SEC14L4: variants seen among roughly 807,000 people sequenced by gnomAD.
SEC14L4 encodes SEC14 like lipid binding 4.
A neutral mutation model predicts 55.1 loss-of-function variants in SEC14L4; 42 were observed. The observed-to-expected ratio is 0.76, with a 90% CI of 0.60 to 0.99. SEC14L4 has a LOEUF of 0.99. SEC14L4 is among the 50% of genes least tolerant of loss of function. The probability of loss-of-function intolerance (pLI) is 0.00; values close to 1 mark genes in which losing one functional copy is unlikely to be tolerated. For synonymous variants in SEC14L4, 206 were observed against 206.8 expected (o/e 1.00, Z 0.03); for missense variants, 445 against 512.1 (o/e 0.87, Z 1.27).
At position 30,491,567 on chromosome 22, in the gene SEC14L4, T is replaced by C. The variant is rs779287255; in HGVS notation, c.1081+6A>G. The C allele has an allele frequency of 5.0e-6, 8 of 1,613,848 alleles. No homozygotes were observed. The highest frequency in any genetic ancestry group is 6.8e-6 in the Non-Finnish European group (8 of 1,179,950). On this transcript the variant is annotated splice_donor_region_variant and intron_variant, in intron 11 of 11. Coordinates refer to ENST00000255858, the MANE Select transcript of SEC14L4 (RefSeq NM_174977.4). The stretch of plus-strand genomic sequence containing the variant: ...AAACAATTCCAGTAAACCCCGCAGC[T>C]CTTACAGACGCCAGCCTGGAGGCAG...
At chr22:30,503,908 A>T (rs1386546274) in intron 1 of SEC14L4, 156 bp from the exon 2 acceptor site, 12 of 536,364 alleles carry the variant, frequency 2.2e-5, no homozygotes, top group Non-Finnish European at 3.6e-5. Context: ...AAAATAGGGC[A>T]CCCTCCAGCC....
rs531954470 is a variant in SEC14L4 at position 30,500,754 on chromosome 22, A to ATTT, written c.130+2920_130+2922dup. Among the ~76,000 whole-genome samples, 177 of 79,490 alleles carry ATTT rather than the reference A, an allele frequency of 2.2e-3. 15 individuals carry two copies. The highest frequency in any genetic ancestry group is 3.9e-3 in the African/African-American group (75 of 19,366). 52.1% of individuals were successfully genotyped at this position (79,490 alleles called of 152,430 possible). ...AATGCTCATGGGATATGAGAACAGA[A>ATTT]TTTTTTTTTTTTTTTTTTTTTTTTT... On this transcript the variant is annotated intron_variant, in intron 2 of 11. Transcript: ENST00000255858.
chr22:30,489,764 G>T lies in SEC14L4; in HGVS notation c.*343C>A. On this transcript the variant is annotated 3_prime_UTR_variant, in exon 12 of 12. Coordinates refer to ENST00000255858, the MANE Select transcript of SEC14L4 (RefSeq NM_174977.4). ...CCTGAAGCTGGAACACCAGGCATGG[G>T]TGAGTCCTGGGTGGCTGGATCTTGT... The T allele has an allele frequency of 8.7e-7, 1 of 1,143,712 alleles. No homozygotes were observed. The highest frequency in any genetic ancestry group is 1.3e-5 in the South Asian group (1 of 75,656). 70.8% of individuals were successfully genotyped at this position (1,143,712 alleles called of 1,614,324 possible).
At position 30,489,755 on chromosome 22, in the gene SEC14L4, C is replaced by G; in HGVS notation, c.*352G>C. The G allele has an allele frequency of 1.9e-6, 2 of 1,062,830 alleles. No homozygotes were observed. The highest frequency in any genetic ancestry group is 2.8e-6 in the Non-Finnish European group (2 of 702,684). 65.8% of individuals were successfully genotyped at this position (1,062,830 alleles called of 1,614,324 possible). On this transcript the variant is annotated 3_prime_UTR_variant, in exon 12 of 12. Coordinates refer to ENST00000255858, the MANE Select transcript of SEC14L4 (RefSeq NM_174977.4). ...CGCACACCCCCTGAAGCTGGAACAC[C>G]AGGCATGGGTGAGTCCTGGGTGGCT... is the stretch of plus-strand genomic sequence containing the variant.
chr22:30,503,662 C>G lies in SEC14L4; in HGVS notation c.130+15G>C, dbSNP rs1338199919. Reference sequence around the variant, plus strand: ...TCCCTCCCTTTCTGCGTCCCCTGACCCCTGCAAGCCTCACCTCGCAGCCAG... The same window carrying G: ...TCCCTCCCTTTCTGCGTCCCCTGACGCCTGCAAGCCTCACCTCGCAGCCAG... On this transcript the variant is annotated intron_variant, in intron 2 of 11. Coordinates refer to ENST00000255858, the MANE Select transcript of SEC14L4 (RefSeq NM_174977.4). The G allele has an allele frequency of 6.3e-7, 1 of 1,591,870 alleles. No homozygotes were observed. Among genetic ancestry groups the G allele is most frequent in the Non-Finnish European group, 8.6e-7 (1 of 1,160,854 alleles).
At chr22:30,503,334 G>A (rs1220594058) in intron 2 of SEC14L4, among the ~76,000 whole-genome samples, 2 of 151,396 alleles carry the variant, frequency 1.3e-5, no homozygotes, top group African/African-American at 2.4e-5. Flanking sequence ...GCGGGATCTC[G>A]GCTTACCGCA....
chr22:30,490,423 A>G, intron 11 of SEC14L4, 177 bp from the exon 12 acceptor site: 5 of 982,000 alleles, frequency 5.1e-6, no homozygotes, highest in Non-Finnish European at 7.4e-6. Flanking sequence ...CCTGAGGGCC[A>G]GCCTGTGCCC....
intron 2 of SEC14L4, among the ~76,000 whole-genome samples, chr22:30,497,692 C>A (rs1409578938): frequency 6.6e-6 from 1 of 152,114 alleles, no homozygotes; most frequent in African/African-American, 2.4e-5. Flanking sequence ...AGAGGTCAAA[C>A]AAATACATGT....
At chr22:30,497,640 C>T (rs1936192729) in intron 2 of SEC14L4, among the ~76,000 whole-genome samples, 1 of 152,122 alleles carries the variant, frequency 6.6e-6, no homozygotes, top group South Asian at 2.1e-4. Context: ...GCAGCTTTGA[C>T]TGAACCCAAA....
At chr22:30,505,510 G>C (rs1175368486) in intron 1 of SEC14L4, 48 bp downstream of exon 1, 1 of 1,534,036 alleles carries the variant, frequency 6.5e-7, no homozygotes, top group Non-Finnish European at 8.8e-7. Context: ...GCAGTGCCAG[G>C]CTGCTCAGGG....
Position 30,492,099 on chromosome 22 carries a change from A to G in SEC14L4, c.721T>C (p.Phe241Leu), listed in dbSNP as rs1935981707. 2 of 1,613,380 alleles carry G rather than the reference A, an allele frequency of 1.2e-6. No individual in the cohort carries two copies. The highest frequency in any genetic ancestry group is 1.7e-6 in the Non-Finnish European group (2 of 1,179,796). The change falls in exon 9 of 12, where the codon TTT becomes CTT. Residue 241 changes from phenylalanine to leucine, a missense_variant. Physicochemically the swap from Phe to Leu is conservative, Grantham distance 22 (BLOSUM62 0). Coordinates refer to ENST00000255858, the MANE Select transcript of SEC14L4 (RefSeq NM_174977.4). ...FISPDQLPVE[F>L]GGTMTDPDGN... ...TCGGGGTCAGTCATGGTCCCCCCAA[A>G]CTCCACAGGCAGCTGGTCGGGGCTG...
chr22:30,494,901 G>A lies in SEC14L4; in HGVS notation c.484C>T (p.His162Tyr). 2 of 1,613,700 alleles carry A rather than the reference G, an allele frequency of 1.2e-6. No individual in the cohort carries two copies. Among genetic ancestry groups the A allele is most frequent in the South Asian group, 1.1e-5 (1 of 91,054 alleles). Reference sequence around the variant, plus strand: ...ACCTCCACAGCTGGCTTCCACAGGTGTTTCAGGCTCAGCCCCTCCATGTCA... The same window carrying A: ...ACCTCCACAGCTGGCTTCCACAGGTATTTCAGGCTCAGCCCCTCCATGTCA... Reference protein sequence around the residue: ...VFDMEGLSLKHLWKPAVEVYQ... With the variant: ...VFDMEGLSLKYLWKPAVEVYQ... The change falls in exon 6 of 12, where the codon CAC becomes TAC. Residue 162 changes from histidine (H) to tyrosine (Y), a missense_variant. Coordinates refer to ENST00000255858, the MANE Select transcript of SEC14L4 (RefSeq NM_174977.4).
chr22:30,495,366 C>T lies in SEC14L4; in HGVS notation c.311G>A (p.Gly104Glu). 1 of 1,614,072 alleles carries T rather than the reference C, an allele frequency of 6.2e-7. No individual in the cohort carries two copies. Among genetic ancestry groups the T allele is most frequent in the Non-Finnish European group, 8.5e-7 (1 of 1,180,016 alleles). Reference sequence around the variant, plus strand: ...CAGGAGACCCTTGGGGTCGAGGGACCCAATGATGTTGAAGTACACAGGGCA... The same window carrying T: ...CAGGAGACCCTTGGGGTCGAGGGACTCAATGATGTTGAAGTACACAGGGCA... ...EGCPVYFNII[G>E]SLDPKGLLLS... The change falls in exon 5 of 12, where the codon GGG becomes GAG. Residue 104 changes from glycine (G) to glutamate (E), a missense_variant. By Grantham distance (98) the Gly-to-Glu change is moderately conservative. Coordinates refer to ENST00000255858, the MANE Select transcript of SEC14L4 (RefSeq NM_174977.4).
intron 7 of SEC14L4, 96 bp from the exon 8 acceptor site, chr22:30,492,653 G>T: frequency 1.1e-6 from 1 of 926,464 alleles, no homozygotes; most frequent in Non-Finnish European, 1.8e-6. Flanking sequence ...GAGGTGGACA[G>T]ATATGGATTC....
Position 30,494,136 on chromosome 22 carries a change from G to C in SEC14L4, c.580+14C>G. The C allele has an allele frequency of 6.2e-7, 1 of 1,603,770 alleles. No individual in the cohort carries two copies. Among genetic ancestry groups the C allele is most frequent in the Non-Finnish European group, 8.5e-7 (1 of 1,170,594 alleles). On this transcript the variant is annotated intron_variant, in intron 7 of 11. Transcript: ENST00000255858. ...TTCTCCCTCCCCAGGAGGTCATCCC[G>C]GTCATGGGCTTACCTCGAATAACAA...
At chr22:30,505,536 C>G in intron 1 of SEC14L4, 22 bp downstream of exon 1, 1 of 1,556,928 alleles carries the variant, frequency 6.4e-7, no homozygotes, top group Non-Finnish European at 8.7e-7. Flanking sequence ...CCTCAAGCCT[C>G]CCAGCCCGCG....
intron 7 of SEC14L4, among the ~76,000 whole-genome samples, chr22:30,493,775 G>C (rs1430621422): frequency 1.3e-5 from 2 of 152,158 alleles, no homozygotes; most frequent in East Asian, 3.8e-4. Context: ...AGGCCGAAGT[G>C]GCTGGATGAC....
intron 2 of SEC14L4, among the ~76,000 whole-genome samples, chr22:30,500,933 T>C (rs1936300657): frequency 6.6e-6 from 1 of 151,456 alleles, no homozygotes; most frequent in African/African-American, 2.4e-5. Flanking sequence ...GAGTGGCTCA[T>C]ACCTGTAATC....
chr22:30,501,833 ACACACACACG>A lies in SEC14L4; in HGVS notation c.130+1834_130+1843del, dbSNP rs1390368979. ...AAAATTAAAGTTTTTATATATATAT[ACACACACACG>A]CACATATATATATATATATATATAT... On this transcript the variant is annotated intron_variant, in intron 2 of 11. Transcript: ENST00000255858. Among the ~76,000 whole-genome samples the A allele has an allele frequency of 2.9e-3, 332 of 116,244 alleles. 3 individuals carry two copies. The highest frequency in any genetic ancestry group is 0.011 in the African/African-American group (319 of 28,768). The allele number at this position is 116,244 out of a possible 152,430, so 76.3% of individuals were successfully genotyped here. A position where few individuals can be genotyped will look rare whatever the true frequency, so the allele number is the denominator to read the frequency against.
Sources: gnomAD v4.1 joint callset for allele counts (sites outside exome capture counted in the v4.1 genomes callset) on GRCh38, gnomAD v4.1.1 for gene constraint, MANE v1.5 for transcripts, NCBI Gene and HGNC (gene_info 2026-07-23, HGNC 2026-07-21) for gene names.